Variants in KDM4C observed in about 807,000 individuals in gnomAD.
KDM4C encodes the protein lysine demethylase 4C.
Under a neutral mutation model 129.3 loss-of-function variants are expected in KDM4C, and 81 were observed. The ratio of observed to expected loss-of-function variants is 0.63; its 90% CI spans 0.52 to 0.75. The LOEUF (loss-of-function observed/expected upper bound fraction) is 0.75. Among genes scored for constraint, KDM4C ranks in the 30% least tolerant of loss-of-function variants. The probability of loss-of-function intolerance (pLI) is 0.00; values close to 1 mark genes in which losing one functional copy is unlikely to be tolerated. For missense variants in KDM4C, 1,457 were observed against 1,304.0 expected, an observed-to-expected ratio of 1.12 and a Z score of -1.81; for synonymous variants, 573 against 456.1, an observed-to-expected ratio of 1.26 and a Z score of -3.26.
Position 7,165,219 on chromosome 9 carries a change from G to C in KDM4C, c.2782-19G>C, listed in dbSNP as rs1564198974. Reference sequence around the variant, plus strand: ...CTTAGGCACTCCTTTTGAAAAGCCTGTCTCTGTTTATTCTGCAGAGCCGAG... The same window carrying C: ...CTTAGGCACTCCTTTTGAAAAGCCTCTCTCTGTTTATTCTGCAGAGCCGAG... On this transcript the variant is annotated intron_variant, in intron 19 of 21. Transcript: ENST00000381309. 9.3e-6 allele frequency: 15 copies of C among 1,612,146 alleles called. No individual in the cohort carries two copies. In the South Asian group the frequency reaches 1.7e-4, roughly 18 times the overall value.
chr9:6,932,295 ACT>A (rs1823896804), intron 8 of KDM4C, among the ~76,000 whole-genome samples: 1 of 151,818 alleles, frequency 6.6e-6, no homozygotes, highest in African/African-American at 2.4e-5. Context: ...GACCAAGCCG[ACT>A]CTCCTGTTTC....
chr9:6,904,817 ACG>A (rs1818013186), intron 8 of KDM4C, among the ~76,000 whole-genome samples: 1 of 152,226 alleles, frequency 6.6e-6, no homozygotes, highest in Admixed American at 6.5e-5. Flanking sequence ...TTTGGAAGAT[ACG>A]AGAGGAAAAA....
At chr9:6,860,285 C>T (rs747519524) in intron 5 of KDM4C, among the ~76,000 whole-genome samples, 1 of 152,098 alleles carries the variant, frequency 6.6e-6, no homozygotes, top group Non-Finnish European at 1.5e-5. Flanking sequence ...AGATGTGTTA[C>T]TTGGAAACAT....
intron 1 of KDM4C, among the ~76,000 whole-genome samples, chr9:6,759,021 C>CGCTG (rs112864188): frequency 0.14 from 20,904 of 152,050 alleles, 2,107 homozygotes; most frequent in African/African-American, 0.26. Context: ...TGCAAGCCTG[C>CGCTG]GCTGGCTGGC....
At chr9:7,103,898 C>A (rs1837388932) in intron 18 of KDM4C, 28 bp downstream of exon 18, 1 of 1,597,808 alleles carries the variant, frequency 6.3e-7, no homozygotes, top group Non-Finnish European at 8.6e-7. Context: ...TTCCTCAGTG[C>A]TAAGACCGTG....
intron 15 of KDM4C, among the ~76,000 whole-genome samples, chr9:7,018,424 A>G (rs1429912659): frequency 6.6e-6 from 1 of 152,248 alleles, no homozygotes; most frequent in African/African-American, 2.4e-5. Context: ...ACAGCCAGGA[A>G]GTCCTGCTTC....
intron 1 of KDM4C, among the ~76,000 whole-genome samples, chr9:6,738,572 A>T (rs1425607694): frequency 6.6e-6 from 1 of 152,018 alleles, no homozygotes; most frequent in Non-Finnish European, 1.5e-5. Flanking sequence ...AGTAGCTGGG[A>T]CCACAGGTGG....
At chr9:6,929,479 T>C (rs1040902354) in intron 8 of KDM4C, among the ~76,000 whole-genome samples, 1 of 145,258 alleles carries the variant, frequency 6.9e-6, no homozygotes, top group Non-Finnish European at 1.5e-5. Context: ...TTCTTTTTTT[T>C]TTTTTTTTTT....
intron 1 of KDM4C, among the ~76,000 whole-genome samples, chr9:6,781,810 G>C (rs1201390415): frequency 6.6e-6 from 1 of 151,476 alleles, no homozygotes; most frequent in African/African-American, 2.4e-5. Context: ...TGATTTTGGG[G>C]TTATAAATAA....
intron 13 of KDM4C, among the ~76,000 whole-genome samples, chr9:7,013,266 G>A (rs1823025096): frequency 1.3e-5 from 2 of 152,246 alleles, no homozygotes; most frequent in African/African-American, 4.8e-5. Context: ...GGTGTGAGGT[G>A]ATAATTTTGT....
intron 5 of KDM4C, among the ~76,000 whole-genome samples, chr9:6,876,854 T>C (rs1362478876): frequency 6.6e-6 from 1 of 152,040 alleles, no homozygotes; most frequent in Non-Finnish European, 1.5e-5. Context: ...CTTGGGCCAT[T>C]GTGGTATTAC....
Position 6,880,043 on chromosome 9 carries a change from C to G in KDM4C, c.661C>G (p.Leu221Val). Residue 221 changes from leucine to valine, a missense_variant, in exon 6 of 22, where the codon CTT becomes GTT. Transcript: ENST00000381309. ...TATACCTCCGGAGCATGGAAAACGA[C>G]TTGAAAGACTAGCTCAAGGTAAAAC... Reference protein sequence around the residue: ...YAIPPEHGKRLERLAQGFFPS... With the variant: ...YAIPPEHGKRVERLAQGFFPS... 1 of 1,600,336 alleles carries G rather than the reference C, an allele frequency of 6.2e-7. No homozygotes were observed. Among genetic ancestry groups the G allele is most frequent in the Non-Finnish European group, 8.5e-7 (1 of 1,171,108 alleles).
intron 4 of KDM4C, among the ~76,000 whole-genome samples, chr9:6,817,763 C>CTTTTTT (rs146833868): frequency 4.8e-5 from 5 of 105,094 alleles, no homozygotes; most frequent in Non-Finnish European, 7.4e-5. Context: ...CAGGAATAAC[C>CTTTTTT]TTTTTTTTTT....
intron 3 of KDM4C, among the ~76,000 whole-genome samples, chr9:6,811,852 G>A (rs1022266121): frequency 6.6e-6 from 1 of 152,142 alleles, no homozygotes; most frequent in African/African-American, 2.4e-5. Flanking sequence ...ATGAGTGAGA[G>A]GTTCTGGGTA....
intron 17 of KDM4C, among the ~76,000 whole-genome samples, chr9:7,051,660 C>T (rs1454604546): frequency 6.6e-6 from 1 of 152,136 alleles, no homozygotes; most frequent in Non-Finnish European, 1.5e-5. Flanking sequence ...ATATATGTGT[C>T]TGCCAGTGTC....
rs142813291 is a variant in KDM4C at position 7,157,667 on chromosome 9, C to T, written c.2782-7571C>T. On this transcript the variant is annotated intron_variant, in intron 19 of 21. Coordinates refer to ENST00000381309, the MANE Select transcript of KDM4C (RefSeq NM_015061.6). Reference sequence around the variant, plus strand: ...GTGATGGATTACATTTATTGATTTGCGTATGTTGAACCAGCCTTGCATCCC... The same window carrying T: ...GTGATGGATTACATTTATTGATTTGTGTATGTTGAACCAGCCTTGCATCCC... Among the ~76,000 whole-genome samples, 768 of 152,222 alleles carry T rather than the reference C, an allele frequency of 5.0e-3. 5 individuals carry two copies. Among genetic ancestry groups the T allele is most frequent in the Middle Eastern group, 0.024 (7 of 294 alleles).
intron 1 of KDM4C, among the ~76,000 whole-genome samples, chr9:6,770,670 C>G (rs1588148569): frequency 6.9e-6 from 1 of 144,128 alleles, no homozygotes; most frequent in Admixed American, 7.1e-5. Flanking sequence ...ATGAAAAAAG[C>G]AAGGATGGTC....
At chr9:7,033,931 G>A (rs1827202078) in intron 15 of KDM4C, among the ~76,000 whole-genome samples, 1 of 152,106 alleles carries the variant, frequency 6.6e-6, no homozygotes, top group African/African-American at 2.4e-5. Flanking sequence ...CCCAGGAAGA[G>A]TGTGGAAAAA....
chr9:7,028,801 G>A (rs572076412), intron 15 of KDM4C, among the ~76,000 whole-genome samples: 4 of 152,210 alleles, frequency 2.6e-5, no homozygotes, highest in South Asian at 2.1e-4. Flanking sequence ...GTGGGCAGGC[G>A]CCAGGTCAGC....
Sources: allele counts gnomAD v4.1 joint callset (sites outside exome capture counted in the v4.1 genomes callset), GRCh38; gene constraint gnomAD v4.1.1; transcripts MANE v1.5; gene names NCBI Gene and HGNC (gene_info 2026-07-23, HGNC 2026-07-21).